The following MYO1C variants were observed in gnomAD, a reference collection of about 807,000 sequenced individuals.
MYO1C encodes the protein myosin IC.
A neutral mutation model predicts 150.8 loss-of-function variants in MYO1C; 104 were observed. The ratio of observed to expected loss-of-function variants is 0.69; its 90% confidence interval spans 0.59 to 0.81. The LOEUF (loss-of-function observed/expected upper bound fraction) is 0.81. Ranked by LOEUF, MYO1C falls within the 30% of genes least tolerant of loss-of-function variation. MYO1C has a pLI of 0.00. For missense variants in MYO1C, 1,504 were observed against 1,435.0 expected, an observed-to-expected ratio of 1.05 and a Z score of -0.78; for synonymous variants, 663 against 579.9, an observed-to-expected ratio of 1.14 and a Z score of -2.06.
At chr17:1,473,223 A>T (rs989989811) in intron 17 of MYO1C, among the ~76,000 whole-genome samples, 1 of 152,258 alleles carries the variant, frequency 6.6e-6, no homozygotes, top group East Asian at 1.9e-4. Context: ...AAAACAAAAA[A>T]GGGGATGACA....
intron 5 of MYO1C, among the ~76,000 whole-genome samples, chr17:1,482,032 T>C (rs1343926973): frequency 6.6e-6 from 1 of 151,840 alleles, no homozygotes; most frequent in Non-Finnish European, 1.5e-5. Context: ...CCTGCTCCTA[T>C]CTCCATCAAG....
In MYO1C at chr17:1,470,654, A is replaced by G. The variant is rs751758092; in HGVS notation, c.2248T>C (p.Trp750Arg). 1 of 1,604,106 alleles carries G rather than the reference A, an allele frequency of 6.2e-7. No homozygotes were observed. Among genetic ancestry groups the G allele is most frequent in the Admixed American group, 1.7e-5 (1 of 59,694 alleles). The change falls in exon 22 of 32, where the codon TGG (tryptophan) becomes CGG (arginine). Residue 750 changes from tryptophan to arginine, a missense_variant. Trp to Arg is a moderately radical substitution (Grantham distance 101, BLOSUM62 -3). Transcript: ENST00000648651. ...KIQAAWRGFH[W>R]RQKFLRVKRS... ...TTCACCCGGAGGAATTTCTGCCGCC[A>G]GTGAAAGCCCCTCCAGGCAGCTTGG...
In MYO1C at chr17:1,482,572, G is replaced by A; in HGVS notation, c.547-14C>T. On this transcript the variant is annotated splice_polypyrimidine_tract_variant and intron_variant, in intron 4 of 31. Transcript: ENST00000648651. ...ATTTCCAAAGGCCTAGGAGTGGACA[G>A]GGGTATGAGGGACACCTGGCACTCT... The A allele has an allele frequency of 6.2e-7, 1 of 1,610,996 alleles. No individual in the cohort carries two copies. Among genetic ancestry groups the A allele is most frequent in the Non-Finnish European group, 8.5e-7 (1 of 1,177,706 alleles).
chr17:1,481,081 A>G (rs1350488813), intron 5 of MYO1C, 196 bp from the exon 6 acceptor site: 1 of 604,446 alleles, frequency 1.7e-6, no homozygotes, highest in Non-Finnish European at 2.9e-6. Flanking sequence ...GGGAGATTCA[A>G]CTCCAACGAC....
At chr17:1,477,438 C>T in intron 14 of MYO1C, 67 bp downstream of exon 14, 5 of 1,421,576 alleles carry the variant, frequency 3.5e-6, no homozygotes, top group Non-Finnish European at 5.0e-6. Flanking sequence ...GGCGGAGGGA[C>T]TCCTGCACTC....
chr17:1,470,901 G>A lies in MYO1C; in HGVS notation c.2212+170C>T, dbSNP rs2302455. 88,460 of 919,856 alleles carry A rather than the reference G, an allele frequency of 0.096. 4,843 individuals are homozygous for A. Among genetic ancestry groups the A allele is most frequent in the East Asian group, 0.13 (4,900 of 38,042 alleles). 57.0% of individuals were successfully genotyped at this position (919,856 alleles called of 1,614,324 possible). A position where few individuals can be genotyped will look rare whatever the true frequency, so the allele number is the denominator to read the frequency against. On this transcript the variant is annotated intron_variant, in intron 21 of 31. Transcript: ENST00000648651. Reference sequence around the variant, plus strand: ...GGCGTGGGGCTGGAGCTGGTGGGGAGGGGCTCCAAGTCGGCCATTGGACTC... The same window carrying A: ...GGCGTGGGGCTGGAGCTGGTGGGGAAGGGCTCCAAGTCGGCCATTGGACTC...
At chr17:1,476,202 G>A (rs1161856189) in intron 14 of MYO1C, among the ~76,000 whole-genome samples, 1 of 149,122 alleles carries the variant, frequency 6.7e-6, no homozygotes, top group African/African-American at 2.5e-5. Context: ...TTTTTGAGAC[G>A]GAGTCTCACT....
chr17:1,485,357 T>TGGGGCGTCACTCAGGGCCC, intron 1 of MYO1C: 1 of 1,076,044 alleles, frequency 9.3e-7, no homozygotes, highest in Non-Finnish European at 1.1e-6. Context: ...CCCAGATTTC[T>TGGGGCGTCACTCAGGGCCC]GGCCGGGGGC....
chr17:1,475,700 C>T (rs572868388), intron 14 of MYO1C, among the ~76,000 whole-genome samples: 1 of 152,342 alleles, frequency 6.6e-6, no homozygotes, highest in South Asian at 2.1e-4. Flanking sequence ...ACCCTTTCAC[C>T]CATTTGCTTT....
At position 1,483,047 on chromosome 17, in the gene MYO1C, C is replaced by T. The variant is rs780250155; in HGVS notation, c.360G>A (p.Ala120=). Reference sequence around the variant, plus strand: ...TGCGCAGTGCTCGGTACACAGTGTCCGCCACGGCAAACCTGGGGCGGAGGC... The same window carrying T: ...TGCGCAGTGCTCGGTACACAGTGTCTGCCACGGCAAACCTGGGGCGGAGGC... The part of the protein sequence containing the change: ...YEVPPHLFAV[A]DTVYRALRTE... The change falls in exon 4 of 32, where the codon GCG becomes GCA. Residue 120 remains alanine (A), a synonymous_variant. Transcript: ENST00000648651. 48 of 1,607,524 alleles carry T rather than the reference C, an allele frequency of 3.0e-5. No individual in the cohort carries two copies. The highest frequency in any genetic ancestry group is 8.9e-5 in the East Asian group (4 of 44,732).
At chr17:1,484,655 A>G (rs7222837) in intron 1 of MYO1C, 2 of 467,138 alleles carry the variant, frequency 4.3e-6, no homozygotes, top group African/African-American at 2.0e-5. Flanking sequence ...GGGTGGAGAA[A>G]GGGGGGGTCA....
intron 1 of MYO1C, chr17:1,486,059 G>C (rs1348851634): frequency 6.5e-6 from 1 of 152,764 alleles, no homozygotes; most frequent in African/African-American, 2.4e-5. Flanking sequence ...ACTCACTTCC[G>C]GGCCTGGGAC....
chr17:1,471,334 T>A lies in MYO1C; in HGVS notation c.2024A>T (p.Tyr675Phe). 6.2e-7 allele frequency: 1 copy of A among 1,613,606 alleles called. No individual in the cohort carries two copies. The highest frequency in any genetic ancestry group is 8.5e-7 in the Non-Finnish European group (1 of 1,179,846). The change falls in exon 20 of 32, where the codon TAC becomes TTC. Residue 675 changes from tyrosine (Y) to phenylalanine (F), a missense_variant and splice_region_variant. By Grantham distance (22) the Tyr-to-Phe change is conservative. Coordinates refer to ENST00000648651, the MANE Select transcript of MYO1C (RefSeq NM_001080779.2). Reference protein sequence around the residue: ...RRKYEAFLQRYKSLCPETWPT... With the variant: ...RRKYEAFLQRFKSLCPETWPT... ...CCACGTCTCTGGGCACAGTGACTTG[T>A]ACCTGGGGACAGGAATGCACGCGGC... is the stretch of plus-strand genomic sequence containing the variant.
intron 3 of MYO1C, among the ~76,000 whole-genome samples, chr17:1,483,334 G>A (rs1297763280): frequency 2.0e-5 from 3 of 151,754 alleles, no homozygotes; most frequent in East Asian, 1.9e-4. Context: ...GGCTGGGGGG[G>A]GTCTTTGCAG....
intron 1 of MYO1C, chr17:1,484,628 C>A (rs921105851): frequency 1.9e-6 from 1 of 514,404 alleles, no homozygotes; most frequent in Non-Finnish European, 3.5e-6. Flanking sequence ...GGGCAGAACC[C>A]GGGAGGTGCT....
At chr17:1,473,149 G>A (rs112834646) in intron 17 of MYO1C, among the ~76,000 whole-genome samples, 7,442 of 152,292 alleles carry the variant, frequency 0.049, 529 homozygotes, top group African/African-American at 0.15. Context: ...GCAGTGAGCC[G>A]AGATCGCGCC....
rs1482092829 is a variant in MYO1C at position 1,468,321 on chromosome 17, T to C, written c.2705-13A>G. 1 of 1,613,970 alleles carries C rather than the reference T, an allele frequency of 6.2e-7. No individual in the cohort carries two copies. Among genetic ancestry groups the C allele is most frequent in the Non-Finnish European group, 8.5e-7 (1 of 1,179,996 alleles). On this transcript the variant is annotated splice_polypyrimidine_tract_variant and intron_variant, in intron 26 of 31. Coordinates refer to ENST00000648651, the MANE Select transcript of MYO1C (RefSeq NM_001080779.2). ...ATCTCATCTGTACCTGCAACTCAGATGGCGGGGAGGGAAGTCAGTGGAGGC... is the reference window on the plus strand; with the variant it reads ...ATCTCATCTGTACCTGCAACTCAGACGGCGGGGAGGGAAGTCAGTGGAGGC...
In MYO1C at chr17:1,465,634, C is replaced by G; in HGVS notation, c.*92G>C. On this transcript the variant is annotated 3_prime_UTR_variant, in exon 32 of 32. Transcript: ENST00000648651. ...GTGGGCTTCGGGGTGTCCCTGGGTC[C>G]CTGTCTGGAAGTTCGAGTCTTTGGT... The G allele has an allele frequency of 8.0e-7, 1 of 1,253,450 alleles. No individual in the cohort carries two copies. 77.6% of individuals were successfully genotyped at this position (1,253,450 alleles called of 1,614,324 possible).
rs566916187 is a variant in MYO1C, at chr17:1,476,834, CTTGT to C, written c.1574+667_1574+670del. Among the ~76,000 whole-genome samples the C allele has an allele frequency of 1.5e-3, 223 of 151,776 alleles. 2 individuals carry two copies. Among genetic ancestry groups the C allele is most frequent in the African/African-American group, 5.1e-3 (211 of 41,370 alleles). On this transcript the variant is annotated intron_variant, in intron 14 of 31. Transcript: ENST00000648651. Reference sequence around the variant, plus strand: ...AAGGAGGAAGCCAGGCTACTAGTGTCTTGTTTTTTGTTTTTTTTTTTGGGGTTGA... The same window carrying C: ...AAGGAGGAAGCCAGGCTACTAGTGTCTTTTTGTTTTTTTTTTTGGGGTTGA...
Sources: gnomAD v4.1 joint callset for allele counts (sites outside exome capture counted in the v4.1 genomes callset) on GRCh38, gnomAD v4.1.1 for gene constraint, MANE v1.5 for transcripts, NCBI Gene and HGNC (gene_info 2026-07-23, HGNC 2026-07-21) for gene names.